Variants in PCED1B observed in about 807,000 individuals in gnomAD.
PCED1B encodes the protein PC-esterase domain containing 1B, also known as PC-esterase domain-containing protein 1B.
For missense variants in PCED1B, 573 were observed against 573.9 expected (o/e 1.00, Z 0.02); for synonymous variants, 251 against 246.1 (o/e 1.02, Z -0.19).
intron 2 of PCED1B, among the ~76,000 whole-genome samples, chr12:47,134,823 G>C (rs1940285083): frequency 1.3e-5 from 2 of 152,206 alleles, no homozygotes; most frequent in South Asian, 4.1e-4. Context: ...AGCTGAGATT[G>C]TGCCACTGCA....
At chr12:47,187,395 GA>G (rs1942306117) in intron 2 of PCED1B, among the ~76,000 whole-genome samples, 1 of 152,098 alleles carries the variant, frequency 6.6e-6, no homozygotes, top group South Asian at 2.1e-4. Context: ...TGGTACTGAT[GA>G]AAATCCCCCA....
chr12:47,168,223 T>G (rs1312242866), intron 2 of PCED1B, among the ~76,000 whole-genome samples: 4 of 152,248 alleles, frequency 2.6e-5, no homozygotes, highest in African/African-American at 4.8e-5. Flanking sequence ...GTAGGTCTTT[T>G]AAGCCTCCTT....
At chr12:47,228,657 G>C (rs1943706419) in intron 3 of PCED1B, among the ~76,000 whole-genome samples, 1 of 152,012 alleles carries the variant, frequency 6.6e-6, no homozygotes. Flanking sequence ...ATCATCTGAG[G>C]TCAGGAGTTC....
At chr12:47,155,187 C>A (rs548458821) in intron 2 of PCED1B, among the ~76,000 whole-genome samples, 1 of 152,216 alleles carries the variant, frequency 6.6e-6, no homozygotes, top group East Asian at 1.9e-4. Context: ...GTATTTGGCT[C>A]CTTCTTTTAT....
chr12:47,212,457 CTA>C (rs1206586315), intron 2 of PCED1B, among the ~76,000 whole-genome samples: 1 of 152,166 alleles, frequency 6.6e-6, no homozygotes, highest in African/African-American at 2.4e-5. Flanking sequence ...AGCTCTGGAA[CTA>C]TGAGTCCAGG....
At position 47,117,124 on chromosome 12, in the gene PCED1B, A is replaced by G. The variant is rs138711700; in HGVS notation, c.-526+12929A>G. 8.5e-3 allele frequency among the ~76,000 whole-genome samples: 1,296 copies of G among 152,342 alleles called. 6 individuals carry two copies. Among genetic ancestry groups the G allele is most frequent in the Non-Finnish European group, 0.013 (852 of 68,032 alleles). On this transcript the variant is annotated intron_variant, in intron 2 of 3. Transcript: ENST00000546455. ...TGGACTCCCAGAATGCTGGGATTAC[A>G]GAAAGGCGTCACTGTGCCTGGCCAG... is the stretch of plus-strand genomic sequence containing the variant.
At chr12:47,186,402 A>G (rs1942269379) in intron 2 of PCED1B, among the ~76,000 whole-genome samples, 1 of 152,034 alleles carries the variant, frequency 6.6e-6, no homozygotes, top group African/African-American at 2.4e-5. Flanking sequence ...TTGTTTTTGT[A>G]GATTCCTCTG....
chr12:47,176,468 T>C (rs1179738463), intron 2 of PCED1B, among the ~76,000 whole-genome samples: 1 of 152,204 alleles, frequency 6.6e-6, no homozygotes, highest in Non-Finnish European at 1.5e-5. Context: ...CCTCTGGGGT[T>C]CAGAGACCTT....
chr12:47,185,154 CA>C (rs1255902078), intron 2 of PCED1B, among the ~76,000 whole-genome samples: 4 of 152,068 alleles, frequency 2.6e-5, no homozygotes, highest in African/African-American at 9.7e-5. Flanking sequence ...ACTGTGTCCC[CA>C]AAAAAGATAT....
chr12:47,170,628 ATCTCT>A (rs1487103439), intron 2 of PCED1B, among the ~76,000 whole-genome samples: 1 of 152,116 alleles, frequency 6.6e-6, no homozygotes, highest in Non-Finnish European at 1.5e-5. Context: ...TCTTTGTGAT[ATCTCT>A]TTGTCCATTT....
chr12:47,207,060 C>T (rs732523), intron 2 of PCED1B, among the ~76,000 whole-genome samples: 33,746 of 152,066 alleles, frequency 0.22, 4,553 homozygotes, highest in Non-Finnish European at 0.3. Context: ...AGCAAACAAT[C>T]AGATGTTACC....
chr12:47,220,221 G>C (rs976845171), intron 3 of PCED1B, among the ~76,000 whole-genome samples: 2 of 151,936 alleles, frequency 1.3e-5, no homozygotes, highest in Admixed American at 1.3e-4. Flanking sequence ...GTCCAAGCTG[G>C]AGTGCAGTGG....
At chr12:47,162,207 C>T (rs1941407680) in intron 2 of PCED1B, among the ~76,000 whole-genome samples, 1 of 151,786 alleles carries the variant, frequency 6.6e-6, no homozygotes, top group Admixed American at 6.6e-5. Flanking sequence ...CAGATGTATA[C>T]ATATGTAACA....
chr12:47,087,231 C>T (rs1190816668), intron 1 of PCED1B, among the ~76,000 whole-genome samples: 1 of 152,190 alleles, frequency 6.6e-6, no homozygotes, highest in Non-Finnish European at 1.5e-5. Flanking sequence ...ATAATAATAC[C>T]TACCACTTAT....
intron 2 of PCED1B, among the ~76,000 whole-genome samples, chr12:47,180,592 A>G (rs1203566882): frequency 6.6e-6 from 1 of 152,228 alleles, no homozygotes; most frequent in Non-Finnish European, 1.5e-5. Flanking sequence ...ACAAAAATAG[A>G]CAAATGGAAT....
At chr12:47,196,094 A>G (rs1381700046) in intron 2 of PCED1B, among the ~76,000 whole-genome samples, 2 of 152,260 alleles carry the variant, frequency 1.3e-5, no homozygotes, top group Non-Finnish European at 2.9e-5. Flanking sequence ...ACTATTACAT[A>G]TAACACTATG....
chr12:47,217,401 C>CAGAG (rs781406311), intron 3 of PCED1B, among the ~76,000 whole-genome samples: 4 of 115,002 alleles, frequency 3.5e-5, no homozygotes, highest in Non-Finnish European at 7.8e-5. Context: ...AAGAAAGAAA[C>CAGAG]AGAGAGAGAG....
intron 2 of PCED1B, among the ~76,000 whole-genome samples, chr12:47,204,229 G>A (rs1217216795): frequency 6.6e-6 from 1 of 152,074 alleles, no homozygotes; most frequent in Non-Finnish European, 1.5e-5. Context: ...GATTACAAGT[G>A]TGAGCCACCA....
At chr12:47,117,806 T>C (rs899449111) in intron 2 of PCED1B, among the ~76,000 whole-genome samples, 26 of 152,194 alleles carry the variant, frequency 1.7e-4, no homozygotes, top group African/African-American at 6.3e-4. Flanking sequence ...TAGCTTATAG[T>C]CCCACCAACA....
Sources: allele counts gnomAD v4.1 joint callset (sites outside exome capture counted in the v4.1 genomes callset), GRCh38; gene constraint gnomAD v4.1.1; transcripts MANE v1.5; gene names NCBI Gene and HGNC (gene_info 2026-07-23, HGNC 2026-07-21).